ATXN3: variants seen among roughly 807,000 people sequenced by gnomAD.
ATXN3 encodes the protein ataxin-3.
In ATXN3, 28 loss-of-function variants were observed where a neutral mutation model predicts 58.2. That is an observed-to-expected ratio of 0.48 (90% CI 0.36 to 0.66). ATXN3 has a LOEUF of 0.66. Among genes scored for constraint, ATXN3 ranks in the 30% least tolerant of loss-of-function variants. ATXN3 has a pLI of 0.00. For synonymous variants in ATXN3, 113 were observed against 138.5 expected, an observed-to-expected ratio of 0.82 and a Z score of 1.29; for missense variants, 321 against 422.1, an observed-to-expected ratio of 0.76 and a Z score of 2.10.
At chr14:92,048,752 C>T (rs578079290) in intron 1 of ATXN3, among the ~76,000 whole-genome samples, 2 of 151,732 alleles carry the variant, frequency 1.3e-5, no homozygotes, top group African/African-American at 2.4e-5. Context: ...GGTGGGGGAC[C>T]GGAGGCTGAG....
At chr14:92,085,563 C>A (rs187053228) in intron 6 of ATXN3, among the ~76,000 whole-genome samples, 1 of 152,054 alleles carries the variant, frequency 6.6e-6, no homozygotes, top group Non-Finnish European at 1.5e-5. Context: ...ACATAACAGG[C>A]CTTACACTGG....
intron 6 of ATXN3, among the ~76,000 whole-genome samples, chr14:92,086,028 T>C (rs2062412038): frequency 6.6e-6 from 1 of 152,014 alleles, no homozygotes; most frequent in Non-Finnish European, 1.5e-5. Context: ...AAACCCTATA[T>C]TCCTAAATGT....
At position 92,064,271 on chromosome 14, in the gene ATXN3, A is replaced by AC; in HGVS notation, c.*48dup. On this transcript the variant is annotated 3_prime_UTR_variant, in exon 11 of 11. Transcript: ENST00000644486. ...AAAGTGGACCCTATGCTGTAATCAC[A>AC]CAGGATAATGTTGGAAAGTATGAAT... is the stretch of plus-strand genomic sequence containing the variant. 7.3e-7 allele frequency: 1 copy of AC among 1,364,202 alleles called. No individual in the cohort carries two copies. The highest frequency in any genetic ancestry group is 1.0e-6 in the Non-Finnish European group (1 of 965,108). 84.5% of individuals were successfully genotyped at this position (1,364,202 alleles called of 1,614,324 possible).
At chr14:92,089,317 C>T (rs10151930) in intron 5 of ATXN3, among the ~76,000 whole-genome samples, 41,202 of 146,810 alleles carry the variant, frequency 0.28, 6,201 homozygotes, top group East Asian at 0.44. Flanking sequence ...CTGCACCTGG[C>T]CTCTGCTAAA....
At chr14:92,051,916 CG>C (rs142219838), upstream of ATXN3, among the ~76,000 whole-genome samples, 19,629 of 149,960 alleles carry the variant, frequency 0.13, 1,449 homozygotes, top group African/African-American at 0.2. Flanking sequence ...TTAGTAGAGA[CG>C]GGGTTTCACA....
At chr14:92,067,444 TG>T (rs2058643770) in intron 10 of ATXN3, among the ~76,000 whole-genome samples, 1 of 152,234 alleles carries the variant, frequency 6.6e-6, no homozygotes, top group Non-Finnish European at 1.5e-5. Flanking sequence ...TTGCCCAGGC[TG>T]CAGTACACTA....
At chr14:92,090,061 CCT>C (rs1491134529) in intron 5 of ATXN3, among the ~76,000 whole-genome samples, 1 of 152,038 alleles carries the variant, frequency 6.6e-6, no homozygotes, top group Non-Finnish European at 1.5e-5. Context: ...ATAGTGAGAC[CCT>C]GTCTCTATAA....
chr14:92,103,955 G>T (rs1009303085), intron 1 of ATXN3, among the ~76,000 whole-genome samples: 5 of 152,194 alleles, frequency 3.3e-5, no homozygotes, highest in Non-Finnish European at 5.9e-5. Flanking sequence ...AACATTCCCA[G>T]AATGGACTGT....
chr14:92,106,417 G>A, intron 1 of ATXN3, 112 bp downstream of exon 1: 1 of 1,411,892 alleles, frequency 7.1e-7, no homozygotes, highest in Non-Finnish European at 9.9e-7. Context: ...CGCCGGGCGA[G>A]ATCGGCATGG....
chr14:92,091,471 G>A (rs1375451311), intron 5 of ATXN3, among the ~76,000 whole-genome samples: 6 of 151,486 alleles, frequency 4.0e-5, no homozygotes, highest in African/African-American at 1.5e-4. Flanking sequence ...AAGAAAGAAA[G>A]AAAGAACCAA....
At chr14:92,078,062 CCT>C (rs36058127) in intron 9 of ATXN3, among the ~76,000 whole-genome samples, 43,283 of 150,940 alleles carry the variant, frequency 0.29, 6,586 homozygotes, top group East Asian at 0.44. Context: ...GCAACCTCTA[CCT>C]CCTGGGTTCA....
chr14:92,077,061 A>G (rs2060533718), intron 9 of ATXN3, among the ~76,000 whole-genome samples: 1 of 152,134 alleles, frequency 6.6e-6, no homozygotes, highest in African/African-American at 2.4e-5. Flanking sequence ...CTTTAACCCA[A>G]TAATCTGACA....
At chr14:92,099,896 A>C (rs80159833) in intron 1 of ATXN3, among the ~76,000 whole-genome samples, 2 of 149,436 alleles carry the variant, frequency 1.3e-5, no homozygotes, top group South Asian at 2.1e-4. Context: ...ACAAGAAAGA[A>C]AGACAGAAAG....
At chr14:92,086,010 A>C (rs1351253103) in intron 6 of ATXN3, among the ~76,000 whole-genome samples, 2 of 148,206 alleles carry the variant, frequency 1.3e-5, no homozygotes, top group African/African-American at 5.3e-5. Flanking sequence ...CTAAAATCAA[A>C]GAATTAAAAA....
At chr14:92,097,528 C>CT (rs754237486) in intron 1 of ATXN3, among the ~76,000 whole-genome samples, 1,747 of 138,100 alleles carry the variant, frequency 0.013, 38 homozygotes, top group South Asian at 0.04. Context: ...ACCTGGCCAA[C>CT]TTTTTTTTTT....
At position 92,103,629 on chromosome 14, in the gene ATXN3, G is replaced by A. The variant is rs556566246; in HGVS notation, c.24+2900C>T. ...TTCTTGTAGAGACAGGTCTCACCACGCCCGGCCCCATTCAAATATTTATTG... is the reference window on the plus strand; with the variant it reads ...TTCTTGTAGAGACAGGTCTCACCACACCCGGCCCCATTCAAATATTTATTG... On this transcript the variant is annotated intron_variant, in intron 1 of 10. Transcript: ENST00000644486. Among the ~76,000 whole-genome samples, 16 of 152,170 alleles carry A rather than the reference G, an allele frequency of 1.1e-4. No homozygotes were observed. In the East Asian group the frequency reaches 1.4e-3, roughly 13 times the overall value.
intron 5 of ATXN3, among the ~76,000 whole-genome samples, chr14:92,089,734 C>G (rs2140972781): frequency 6.6e-6 from 1 of 152,272 alleles, no homozygotes; most frequent in Non-Finnish European, 1.5e-5. Flanking sequence ...GTTTAAATGT[C>G]TTTATTAATA....
intron 1 of ATXN3, among the ~76,000 whole-genome samples, chr14:92,106,314 C>A (rs1370636334): frequency 6.6e-6 from 1 of 152,048 alleles, no homozygotes; most frequent in Non-Finnish European, 1.5e-5. Flanking sequence ...TACTCCCTCC[C>A]GGCTCCCAGG....
At chr14:92,047,206 C>T (rs970332836) in intron 2 of ATXN3, among the ~76,000 whole-genome samples, 5 of 151,974 alleles carry the variant, frequency 3.3e-5, no homozygotes, top group African/African-American at 7.3e-5. Flanking sequence ...AGATCAAGAA[C>T]GGAATAGTGA....
Sources: gnomAD v4.1 joint callset for allele counts (sites outside exome capture counted in the v4.1 genomes callset) on GRCh38, gnomAD v4.1.1 for gene constraint, MANE v1.5 for transcripts, NCBI Gene and HGNC (gene_info 2026-07-23, HGNC 2026-07-21) for gene names.